DLGAP2: variants seen among roughly 807,000 people sequenced by gnomAD.
DLGAP2 encodes the protein disks large-associated protein 2.
DLGAP2 carries 26 observed loss-of-function variants against 100.3 expected under a neutral mutation model. That is an observed-to-expected ratio of 0.26 (90% CI 0.19 to 0.36). The LOEUF (loss-of-function observed/expected upper bound fraction) is 0.36. Ranked by LOEUF, DLGAP2 falls within the 10% of genes least tolerant of loss-of-function variation. The pLI, the probability that DLGAP2 is intolerant of heterozygous loss-of-function variation, is 1.00. For synonymous variants in DLGAP2, 886 were observed against 630.1 expected, an observed-to-expected ratio of 1.41 and a Z score of -6.08; for missense variants, 1,858 against 1,453.2, an observed-to-expected ratio of 1.28 and a Z score of -4.53.
chr8:1,649,937 A>T (rs1798125934), intron 8 of DLGAP2, among the ~76,000 whole-genome samples: 2 of 152,198 alleles, frequency 1.3e-5, no homozygotes, highest in Admixed American at 1.3e-4. Flanking sequence ...AAGATAAAGA[A>T]AAAGAAAAAG....
intron 3 of DLGAP2, among the ~76,000 whole-genome samples, chr8:1,414,724 T>A (rs1796830853): frequency 6.6e-6 from 1 of 152,178 alleles, no homozygotes; most frequent in South Asian, 2.1e-4. Flanking sequence ...TAATCAGGTG[T>A]CTGGCTGGGC....
At chr8:1,254,232 G>C (rs189786432) in intron 2 of DLGAP2, among the ~76,000 whole-genome samples, 12 of 152,296 alleles carry the variant, frequency 7.9e-5, no homozygotes, top group Admixed American at 2.6e-4. Flanking sequence ...CCATGGTGAA[G>C]CCGGCGTCTC....
chr8:1,107,937 A>C (rs1261589114), intron 2 of DLGAP2, among the ~76,000 whole-genome samples: 1 of 152,190 alleles, frequency 6.6e-6, no homozygotes, highest in Non-Finnish European at 1.5e-5. Flanking sequence ...CACAGAACGT[A>C]ACCCTGGGTT....
At chr8:1,578,509 A>T (rs773923479) in intron 6 of DLGAP2, among the ~76,000 whole-genome samples, 27 of 152,090 alleles carry the variant, frequency 1.8e-4, no homozygotes, top group Non-Finnish European at 3.5e-4. Context: ...ATTGGCTGTT[A>T]TCAGCCCTCC....
intron 6 of DLGAP2, among the ~76,000 whole-genome samples, chr8:1,589,939 A>G (rs1796241376): frequency 6.6e-6 from 1 of 152,188 alleles, no homozygotes; most frequent in Non-Finnish European, 1.5e-5. Context: ...TACCACACAC[A>G]GCGTGGCTTA....
chr8:1,578,244 G>A (rs1185108555), intron 6 of DLGAP2, among the ~76,000 whole-genome samples: 2 of 152,130 alleles, frequency 1.3e-5, no homozygotes, highest in Admixed American at 1.3e-4. Flanking sequence ...TCTCCTCTTG[G>A]TGTACATGAA....
intron 1 of DLGAP2, among the ~76,000 whole-genome samples, chr8:840,744 C>A (rs531962794): frequency 6.6e-6 from 1 of 150,870 alleles, no homozygotes; most frequent in Non-Finnish European, 1.5e-5. Flanking sequence ...CACGCCTGCA[C>A]GTTTCCCCAC....
intron 3 of DLGAP2, among the ~76,000 whole-genome samples, chr8:1,455,495 G>C (rs1798287006): frequency 6.6e-6 from 1 of 152,220 alleles, no homozygotes; most frequent in Non-Finnish European, 1.5e-5. Context: ...CTTTGCCCGT[G>C]TCCTTCACGC....
chr8:1,058,094 G>A (rs1454334753), intron 2 of DLGAP2, among the ~76,000 whole-genome samples: 1 of 152,190 alleles, frequency 6.6e-6, no homozygotes, highest in Non-Finnish European at 1.5e-5. Context: ...TTCCCCGAGT[G>A]AGGATCACGT....
intron 6 of DLGAP2, among the ~76,000 whole-genome samples, chr8:1,572,281 G>C (rs1230982846): frequency 7.7e-6 from 1 of 130,528 alleles, no homozygotes; most frequent in Non-Finnish European, 1.6e-5. Flanking sequence ...AGAGGAGAGA[G>C]GTGAACTGTG....
At chr8:784,734 C>G (rs1224338943) in intron 1 of DLGAP2, among the ~76,000 whole-genome samples, 1 of 152,182 alleles carries the variant, frequency 6.6e-6, no homozygotes, top group African/African-American at 2.4e-5. Context: ...GGAAAGACCA[C>G]ACGGGCCCAT....
chr8:1,281,413 T>G (rs972692523), intron 3 of DLGAP2, among the ~76,000 whole-genome samples: 1 of 152,038 alleles, frequency 6.6e-6, no homozygotes, highest in Non-Finnish European at 1.5e-5. Context: ...CCCAGTGGCT[T>G]ACAGCTCAAT....
At chr8:1,268,466 A>G (rs1251780046) in intron 3 of DLGAP2, among the ~76,000 whole-genome samples, 1 of 152,236 alleles carries the variant, frequency 6.6e-6, no homozygotes, top group East Asian at 1.9e-4. Context: ...AATGTGGGAT[A>G]GCGTCTGACA....
At chr8:1,439,299 G>C (rs1351988445) in intron 3 of DLGAP2, among the ~76,000 whole-genome samples, 1 of 152,226 alleles carries the variant, frequency 6.6e-6, no homozygotes, top group Non-Finnish European at 1.5e-5. Flanking sequence ...AGGGACAGAG[G>C]CTGTGGGGGT....
chr8:1,598,982 C>T (rs1000591214), intron 6 of DLGAP2, among the ~76,000 whole-genome samples: 1 of 152,102 alleles, frequency 6.6e-6, no homozygotes, highest in South Asian at 2.1e-4. Flanking sequence ...TAGATCTTTC[C>T]CACTTTCTCC....
At chr8:1,043,288 G>A (rs1411990992) in intron 2 of DLGAP2, among the ~76,000 whole-genome samples, 6 of 121,208 alleles carry the variant, frequency 5.0e-5, no homozygotes, top group Admixed American at 1.6e-4. Flanking sequence ...GACGTGGGTG[G>A]TGGGTGTGGG....
intron 2 of DLGAP2, among the ~76,000 whole-genome samples, chr8:1,148,301 T>G (rs1217864000): frequency 3.9e-5 from 6 of 152,214 alleles, no homozygotes; most frequent in Non-Finnish European, 8.8e-5. Flanking sequence ...GATCTGTGAT[T>G]ATTTTCCTTT....
intron 1 of DLGAP2, among the ~76,000 whole-genome samples, chr8:764,870 C>G (rs1445001780): frequency 6.6e-6 from 1 of 152,154 alleles, no homozygotes; most frequent in Non-Finnish European, 1.5e-5. Context: ...CAAAATTTAC[C>G]TATAAATCCA....
intron 13 of DLGAP2, among the ~76,000 whole-genome samples, chr8:1,693,285 TAC>T (rs1202959307): frequency 6.7e-6 from 1 of 149,408 alleles, no homozygotes; most frequent in Non-Finnish European, 1.5e-5. Flanking sequence ...TACATTTGCC[TAC>T]ACACATGCAT....
Sources: gnomAD v4.1 joint callset for allele counts (sites outside exome capture counted in the v4.1 genomes callset) on GRCh38, gnomAD v4.1.1 for gene constraint, MANE v1.5 for transcripts, NCBI Gene and HGNC (gene_info 2026-07-23, HGNC 2026-07-21) for gene names.